Variants in HGD observed in about 807,000 individuals in gnomAD.
HGD encodes the protein homogentisate 1,2-dioxygenase.
A neutral mutation model predicts 60.8 loss-of-function variants in HGD; 61 were observed. That is an observed-to-expected ratio of 1.00 (90% CI 0.82 to 1.24). The LOEUF is 1.24. Among genes scored for constraint, HGD ranks in the 50% most tolerant of loss-of-function variants. The probability of loss-of-function intolerance (pLI) is 0.00; values close to 1 mark genes in which losing one functional copy is unlikely to be tolerated. For missense variants in HGD, 542 were observed against 547.1 expected, an observed-to-expected ratio of 0.99 and a Z score of 0.09; for synonymous variants, 212 against 187.7, an observed-to-expected ratio of 1.13 and a Z score of -1.06.
At chr3:120,653,804 T>G (rs1253032869) in intron 4 of HGD, among the ~76,000 whole-genome samples, 1 of 152,192 alleles carries the variant, frequency 6.6e-6, no homozygotes, top group African/African-American at 2.4e-5. Flanking sequence ...AGGAAATGGT[T>G]TCTCAATCTT....
chr3:120,653,384 A>C (rs1941400728), intron 4 of HGD, among the ~76,000 whole-genome samples: 1 of 152,212 alleles, frequency 6.6e-6, no homozygotes, highest in African/African-American at 2.4e-5. Flanking sequence ...CCAGGCTGGC[A>C]GCTGATAAGC....
intron 4 of HGD, among the ~76,000 whole-genome samples, chr3:120,655,141 AT>A (rs1941456693): frequency 6.6e-6 from 1 of 152,184 alleles, no homozygotes; most frequent in African/African-American, 2.4e-5. Context: ...GTGAGTGGTA[AT>A]AAAGTCCTGG....
chr3:120,633,486 A>G, intron 12 of HGD, 158 bp from the exon 13 acceptor site: 1 of 1,533,776 alleles, frequency 6.5e-7, no homozygotes, highest in Non-Finnish European at 8.7e-7. Flanking sequence ...AAGAACAATC[A>G]TAAAACATTC....
At chr3:120,674,162 C>A (rs1269550278) in intron 3 of HGD, among the ~76,000 whole-genome samples, 1 of 152,214 alleles carries the variant, frequency 6.6e-6, no homozygotes, top group African/African-American at 2.4e-5. Context: ...ATACCAGCAG[C>A]ATTCCTCTTC....
intron 7 of HGD, among the ~76,000 whole-genome samples, 163 bp downstream of exon 7, chr3:120,647,714 C>A (rs1472886585): frequency 6.6e-6 from 1 of 152,184 alleles, no homozygotes; most frequent in Non-Finnish European, 1.5e-5. Context: ...CACTAGAAAT[C>A]TTTTCCAGAC....
chr3:120,651,559 A>G (rs896525287), intron 5 of HGD, among the ~76,000 whole-genome samples: 4 of 152,204 alleles, frequency 2.6e-5, no homozygotes, highest in Admixed American at 2.6e-4. Flanking sequence ...TTTAGGGTAT[A>G]TTTAAGTGAG....
At chr3:120,675,205 A>T (rs2042482) in intron 2 of HGD, among the ~76,000 whole-genome samples, 113,974 of 151,870 alleles carry the variant, frequency 0.75, 42,866 homozygotes, top group Admixed American at 0.8. Flanking sequence ...CTATATGATA[A>T]CACCCATTAT....
chr3:120,638,586 G>A lies in HGD; in HGVS notation c.880-5C>T, dbSNP rs746239685. The A allele has an allele frequency of 9.3e-6, 15 of 1,613,806 alleles. No homozygotes were observed. Among genetic ancestry groups the A allele is most frequent in the African/African-American group, 1.3e-5 (1 of 75,008 alleles). ...TACTGTGAAAATGGATGGGTCCTGT[G>A]AACACACAAGGAGAGACTGAACGCA... On this transcript the variant is annotated splice_region_variant and splice_polypyrimidine_tract_variant and intron_variant, in intron 11 of 13. Transcript: ENST00000283871.
chr3:120,647,628 T>A (rs1208391411), intron 7 of HGD, among the ~76,000 whole-genome samples: 1 of 152,048 alleles, frequency 6.6e-6, no homozygotes, highest in Non-Finnish European at 1.5e-5. Flanking sequence ...GCTGCCCAGG[T>A]CTCCCACATC....
Position 120,652,444 on chromosome 3 carries a change from G to A in HGD, c.342+148C>T, listed in dbSNP as rs1045591566. ...GTTTCTGTAAGTAAGACATCCCTCC[G>A]CCAGCCCCCAAAGCATACGCAGGTG... On this transcript the variant is annotated intron_variant, in intron 5 of 13. Transcript: ENST00000283871. The A allele has an allele frequency of 9.0e-6, 6 of 666,114 alleles. No individual in the cohort carries two copies. In the East Asian group the frequency reaches 1.1e-4, roughly 12 times the overall value. 41.3% of individuals were successfully genotyped at this position (666,114 alleles called of 1,614,324 possible).
At chr3:120,660,542 A>T (rs1941629653) in intron 4 of HGD, among the ~76,000 whole-genome samples, 1 of 152,202 alleles carries the variant, frequency 6.6e-6, no homozygotes, top group African/African-American at 2.4e-5. Context: ...AAAGTCTTTC[A>T]GGCCAAGCGA....
At chr3:120,631,485 T>C (rs920261138) in intron 13 of HGD, among the ~76,000 whole-genome samples, 17 of 127,984 alleles carry the variant, frequency 1.3e-4, no homozygotes, top group Non-Finnish European at 3.1e-4. Flanking sequence ...TACATACTTA[T>C]TATGTATCCA....
chr3:120,670,108 C>T (rs886233057), intron 4 of HGD, among the ~76,000 whole-genome samples: 1 of 152,138 alleles, frequency 6.6e-6, no homozygotes, highest in Non-Finnish European at 1.5e-5. Flanking sequence ...CTCCTGCCGC[C>T]ATATGAAGAA....
Position 120,682,153 on chromosome 3 carries a change from C to G in HGD, c.-42G>C, listed in dbSNP as rs778619933. On this transcript the variant is annotated 5_prime_UTR_variant, in exon 1 of 14. Transcript: ENST00000283871. ...GTGTGGTGACTTCAGGAAACCCAGG[C>G]CCAGAGGATATAAAGCCACAATGCT... 3.7e-6 allele frequency: 6 copies of G among 1,604,424 alleles called. No homozygotes were observed. The highest frequency in any genetic ancestry group is 5.1e-6 in the Non-Finnish European group (6 of 1,171,302).
chr3:120,666,227 T>C (rs1707897207), intron 4 of HGD, among the ~76,000 whole-genome samples: 1 of 152,096 alleles, frequency 6.6e-6, no homozygotes, highest in Admixed American at 6.5e-5. Context: ...GAGGCACATC[T>C]CTCCCAGTGT....
chr3:120,660,476 G>A (rs1941627804), intron 4 of HGD, among the ~76,000 whole-genome samples: 1 of 152,154 alleles, frequency 6.6e-6, no homozygotes, highest in Non-Finnish European at 1.5e-5. Flanking sequence ...GTTCTTTGAG[G>A]TGATAGGCAA....
chr3:120,628,740 C>G (rs1940495332), intron 13 of HGD, among the ~76,000 whole-genome samples: 1 of 152,188 alleles, frequency 6.6e-6, no homozygotes. Context: ...GTACAAGACC[C>G]TTAACTTCTC....
chr3:120,654,629 C>A (rs1941439136), intron 4 of HGD, among the ~76,000 whole-genome samples: 1 of 151,756 alleles, frequency 6.6e-6, no homozygotes, highest in African/African-American at 2.4e-5. Flanking sequence ...TAAGGATTTA[C>A]AAATCTAAGG....
At chr3:120,646,412 G>T (rs1213433159) in intron 8 of HGD, 46 bp from the exon 9 acceptor site, 7 of 1,268,694 alleles carry the variant, frequency 5.5e-6, no homozygotes, top group Non-Finnish European at 6.9e-6. Context: ...AATCACAGCT[G>T]TAGTTATAAA....
Sources: allele counts gnomAD v4.1 joint callset (sites outside exome capture counted in the v4.1 genomes callset), GRCh38; gene constraint gnomAD v4.1.1; transcripts MANE v1.5; gene names NCBI Gene and HGNC (gene_info 2026-07-23, HGNC 2026-07-21).